The following LGALS8 variants were observed in gnomAD, a reference collection of about 807,000 sequenced individuals.
LGALS8 encodes galectin 8.
In LGALS8, 30 loss-of-function variants were observed where a neutral mutation model predicts 35.9. That is an observed-to-expected ratio of 0.83 (90% CI 0.62 to 1.13). The LOEUF is 1.13. Ranked by LOEUF, LGALS8 falls within the 50% of genes most tolerant of loss-of-function variation. LGALS8 has a pLI of 0.00. For synonymous variants in LGALS8, 138 were observed against 136.1 expected (o/e 1.01, Z -0.10); for missense variants, 366 against 388.7 (o/e 0.94, Z 0.49).
chr1:236,537,653 G>A, intron 3 of LGALS8, 68 bp downstream of exon 3: 1 of 1,138,678 alleles, frequency 8.8e-7, no homozygotes, highest in Non-Finnish European at 1.3e-6. Context: ...AATGATAACA[G>A]AGTAAGGCGG....
chr1:236,533,556 A>G (rs1661270894), intron 2 of LGALS8, among the ~76,000 whole-genome samples: 1 of 150,758 alleles, frequency 6.6e-6, no homozygotes, highest in Non-Finnish European at 1.5e-5. Context: ...CTGGTCTTCA[A>G]CTCCCAACCT....
chr1:236,544,875 A>ATG lies in LGALS8; in HGVS notation c.765_766insGT (p.Ile256ValfsTer15). ...GAGTCCTGGGGAGAAGAAGAGAGAA[A>ATG]TATTACCTCTTTCCCATTTAGTCCT... On this transcript the variant is annotated frameshift_variant, in exon 9 of 10. Coordinates refer to ENST00000366584, the MANE Select transcript of LGALS8 (RefSeq NM_201544.4). LOFTEE classifies it high-confidence loss of function. 1 of 1,613,316 alleles carries ATG rather than the reference A, an allele frequency of 6.2e-7. No individual in the cohort carries two copies. The highest frequency in any genetic ancestry group is 8.5e-7 in the Non-Finnish European group (1 of 1,179,608).
rs1660455152 is a variant in LGALS8, at chr1:236,518,285, G to C, written c.-181+1G>C. On this transcript the variant is annotated splice_donor_variant, in intron 1 of 11. Coordinates refer to the LGALS8 transcript ENST00000352231. LOFTEE classifies it low-confidence loss of function (5UTR_SPLICE). ...GACATGATCCTGTAGAACTTCGGAG[G>C]TAAGCCTGGTGAATCAGATCATAGG... The C allele has an allele frequency of 6.6e-6, 1 of 152,102 alleles. No homozygotes were observed. The highest frequency in any genetic ancestry group is 2.4e-5 in the African/African-American group (1 of 41,390). The allele number at this position is 152,102 out of a possible 1,614,324, so 9.4% of individuals were successfully genotyped here.
At chr1:236,542,733 TTGTTG>T (rs1558166081) in intron 6 of LGALS8, 23 bp from the exon 7 acceptor site, 1 of 1,608,372 alleles carries the variant, frequency 6.2e-7, no homozygotes, top group Admixed American at 1.7e-5. Context: ...CCTTCTAACA[TTGTTG>T]TGTTTTGTTT....
At chr1:236,530,712 T>C (rs1330062668) in intron 2 of LGALS8, among the ~76,000 whole-genome samples, 1 of 152,232 alleles carries the variant, frequency 6.6e-6, no homozygotes, top group African/African-American at 2.4e-5. Flanking sequence ...CCTTGTTTCC[T>C]AGCACCCAAT....
chr1:236,537,804 A>AC (rs139219927), intron 3 of LGALS8, among the ~76,000 whole-genome samples: 1 of 151,404 alleles, frequency 6.6e-6, no homozygotes, highest in African/African-American at 2.4e-5. Flanking sequence ...AGTATAAAAA[A>AC]TTAGAACTAT....
At chr1:236,540,740 T>C (rs1289833881) in intron 5 of LGALS8, 57 bp downstream of exon 5, 11 of 1,498,060 alleles carry the variant, frequency 7.3e-6, no homozygotes, top group South Asian at 1.3e-5. Flanking sequence ...GATGAGATGG[T>C]AGAAAAAATC....
At chr1:236,523,107 T>C (rs1660603447), upstream of LGALS8, 1 of 152,186 alleles carries the variant, frequency 6.6e-6, no homozygotes, top group African/African-American at 2.4e-5. Context: ...ACTTTATTTG[T>C]ATTTCTGGCT....
chr1:236,533,423 C>T (rs897124521), intron 2 of LGALS8, among the ~76,000 whole-genome samples: 3 of 152,056 alleles, frequency 2.0e-5, no homozygotes, highest in Admixed American at 6.5e-5. Flanking sequence ...CAACCTCCGC[C>T]TCCTGGGTTC....
At chr1:236,519,113 G>C (rs61609484), upstream of LGALS8, among the ~76,000 whole-genome samples, 1 of 151,786 alleles carries the variant, frequency 6.6e-6, no homozygotes, top group Non-Finnish European at 1.5e-5. Context: ...TTTTGCCTGG[G>C]TATGGTGGCT....
intron 8 of LGALS8, among the ~76,000 whole-genome samples, chr1:236,544,233 G>A (rs1662217835): frequency 2.6e-5 from 4 of 152,348 alleles, no homozygotes; most frequent in African/African-American, 9.6e-5. Context: ...TTACAGGTGT[G>A]AGTCACCACG....
intron 4 of LGALS8, among the ~76,000 whole-genome samples, chr1:236,539,450 A>T (rs11807244): frequency 0.61 from 92,737 of 151,854 alleles, 29,211 homozygotes; most frequent in Non-Finnish European, 0.69. Flanking sequence ...AATCCCAGCG[A>T]AGAAATCAGA....
In LGALS8 at chr1:236,548,346, G is replaced by T; in HGVS notation, c.*185G>T. 1.7e-6 allele frequency: 1 copy of T among 593,778 alleles called. No homozygotes were observed. The allele number at this position is 593,778 out of a possible 1,614,324, so 36.8% of individuals were successfully genotyped here. ...ATGGTGGTGTCTAGCACTGAATGGG[G>T]AAACTGGGGGCAGCAACACTTATAG... On this transcript the variant is annotated 3_prime_UTR_variant, in exon 10 of 10. Transcript: ENST00000366584.
intron 7 of LGALS8, 184 bp downstream of exon 7, chr1:236,542,971 G>C (rs773392093): frequency 6.2e-7 from 1 of 1,614,134 alleles, no homozygotes; most frequent in South Asian, 1.1e-5. Flanking sequence ...TCTACACCAA[G>C]AGCAAAGATT....
chr1:236,533,637 A>AT (rs57058408), intron 2 of LGALS8, among the ~76,000 whole-genome samples: 116 of 147,008 alleles, frequency 7.9e-4, no homozygotes, highest in Non-Finnish European at 1.1e-3. Context: ...CCTGACCCCC[A>AT]TTTTTTTTTT....
Position 236,526,962 on chromosome 1 carries a change from C to T in LGALS8, c.45+847C>T, listed in dbSNP as rs1313160084. On this transcript the variant is annotated intron_variant, in intron 2 of 9. Coordinates refer to ENST00000366584, the MANE Select transcript of LGALS8 (RefSeq NM_201544.4). This position sits in a 1 kb window ranked among gnomAD's most constrained non-coding sequence, Gnocchi z 4.6. Reference sequence around the variant, plus strand: ...TAAGAATGAGGTATCGCTGCTGTATCAAGCAAAGTCAGTTTTAGGAGAAAT... The same window carrying T: ...TAAGAATGAGGTATCGCTGCTGTATTAAGCAAAGTCAGTTTTAGGAGAAAT... 6.6e-6 allele frequency among the ~76,000 whole-genome samples: 1 copy of T among 152,162 alleles called. No individual in the cohort carries two copies. The highest frequency in any genetic ancestry group is 1.5e-5 in the Non-Finnish European group (1 of 68,020).
chr1:236,518,718 A>G (rs1660470850), upstream of LGALS8, among the ~76,000 whole-genome samples: 1 of 152,160 alleles, frequency 6.6e-6, no homozygotes, highest in Admixed American at 6.5e-5. Context: ...AATTCACAGC[A>G]TACCAAGGCA....
In LGALS8 at chr1:236,548,942, A is replaced by ACTT. The variant is rs1472918601; in HGVS notation, c.*782_*784dup. 1 of 398,500 alleles carries ACTT rather than the reference A, an allele frequency of 2.5e-6. No homozygotes were observed. Among genetic ancestry groups the ACTT allele is most frequent in the Non-Finnish European group, 4.4e-6 (1 of 226,066 alleles). 24.7% of individuals were successfully genotyped at this position (398,500 alleles called of 1,614,324 possible). On this transcript the variant is annotated 3_prime_UTR_variant, in exon 10 of 10. Coordinates refer to ENST00000366584, the MANE Select transcript of LGALS8 (RefSeq NM_201544.4). The stretch of plus-strand genomic sequence containing the variant: ...AGGCAGCTGATTTCTGTGTATTTGA[A>ACTT]CTTAGGGCAAATCAGAGTCTACACA...
At chr1:236,529,581 CAAAAAAAAAA>C (rs767790332) in intron 2 of LGALS8, among the ~76,000 whole-genome samples, 1 of 89,554 alleles carries the variant, frequency 1.1e-5, no homozygotes, top group Non-Finnish European at 2.2e-5. Context: ...TACTTCATCT[CAAAAAAAAAA>C]AAAGAAAAAA....
Sources: gnomAD v4.1 joint callset for allele counts (sites outside exome capture counted in the v4.1 genomes callset) on GRCh38, gnomAD v4.1.1 for gene constraint, Gnocchi (gnomAD v3.1) non-coding constraint, MANE v1.5 for transcripts, NCBI Gene and HGNC (gene_info 2026-07-23, HGNC 2026-07-21) for gene names.